Variants in SDCCAG8 observed in about 807,000 individuals in gnomAD.
SDCCAG8 encodes SHH signaling and ciliogenesis regulator SDCCAG8.
A neutral mutation model predicts 101.8 loss-of-function variants in SDCCAG8; 74 were observed. That is an observed-to-expected ratio of 0.73 (90% confidence interval 0.60 to 0.88). The LOEUF (loss-of-function observed/expected upper bound fraction) is 0.88. Among genes scored for constraint, SDCCAG8 ranks in the 40% least tolerant of loss-of-function variants. The probability of loss-of-function intolerance (pLI) is 0.00; values close to 1 mark genes in which losing one functional copy is unlikely to be tolerated. For synonymous variants in SDCCAG8, 281 were observed against 292.9 expected, an observed-to-expected ratio of 0.96 and a Z score of 0.41; for missense variants, 787 against 822.6, an observed-to-expected ratio of 0.96 and a Z score of 0.53.
chr1:243,326,320 G>C (rs1023610368), intron 9 of SDCCAG8, among the ~76,000 whole-genome samples: 8 of 152,240 alleles, frequency 5.3e-5, no homozygotes, highest in Admixed American at 3.3e-4. Context: ...AGCCTGGTAG[G>C]TTGAACAAAT....
At chr1:243,265,038 G>T (rs572087587) in intron 1 of SDCCAG8, among the ~76,000 whole-genome samples, 3 of 152,324 alleles carry the variant, frequency 2.0e-5, no homozygotes, top group East Asian at 1.9e-4. Context: ...TGCATCTGGG[G>T]AGTAGTGCTC....
At chr1:243,415,609 C>G in intron 13 of SDCCAG8, 93 bp from the exon 14 acceptor site, 9 of 1,551,508 alleles carry the variant, frequency 5.8e-6, no homozygotes, top group Non-Finnish European at 7.1e-6. Flanking sequence ...TAACAATTTA[C>G]TACGTATCAG....
chr1:243,467,634 G>T (rs1660404142), intron 16 of SDCCAG8, among the ~76,000 whole-genome samples: 1 of 152,200 alleles, frequency 6.6e-6, no homozygotes, highest in South Asian at 2.1e-4. Flanking sequence ...AAATAATTTT[G>T]ATTTGGAAGG....
At chr1:243,486,939 G>A (rs766468267) in intron 16 of SDCCAG8, among the ~76,000 whole-genome samples, 3 of 151,192 alleles carry the variant, frequency 2.0e-5, no homozygotes, top group Non-Finnish European at 4.4e-5. Context: ...GGCTACCTCA[G>A]TTGCTCTTAG....
chr1:243,421,706 T>G lies in SDCCAG8; in HGVS notation c.1853+3630T>G, dbSNP rs2081019474. Among the ~76,000 whole-genome samples the G allele has an allele frequency of 2.0e-5, 3 of 152,172 alleles. 1 individual carries two copies. The South Asian group carries it at 6.2e-4, about 32-fold the overall frequency. ...TTGACCATCAGGCAAGAGAATTAAT[T>G]CCATTTTGCTTTTAATTGGCACCAG... is the stretch of plus-strand genomic sequence containing the variant. On this transcript the variant is annotated intron_variant, in intron 15 of 17. Transcript: ENST00000366541.
rs772404205 is a variant in SDCCAG8, at chr1:243,415,720, T to C, written c.1635T>C (p.Ile545=). 2 of 1,613,794 alleles carry C rather than the reference T, an allele frequency of 1.2e-6. No individual in the cohort carries two copies. Among genetic ancestry groups the C allele is most frequent in the Non-Finnish European group, 1.7e-6 (2 of 1,179,772 alleles). ...LHLTRQEKDS[I]QQSFSKEAKA... ...TTTGCAGACAGGAAAAAGATAGCAT[T>C]CAGCAGAGCTTTAGCAAGGAAGCAA... Residue 545 remains isoleucine (I), a synonymous_variant, in exon 14 of 18, where the codon ATT becomes ATC. Transcript: ENST00000366541.
intron 13 of SDCCAG8, among the ~76,000 whole-genome samples, chr1:243,410,813 T>C (rs1177101011): frequency 2.0e-5 from 3 of 152,218 alleles, no homozygotes; most frequent in Non-Finnish European, 2.9e-5. Context: ...AAATATAAGC[T>C]TAATGCTTCA....
chr1:243,442,246 C>T (rs989077301), intron 16 of SDCCAG8, among the ~76,000 whole-genome samples: 7 of 152,080 alleles, frequency 4.6e-5, no homozygotes, highest in African/African-American at 1.7e-4. Flanking sequence ...CAATTTGCAG[C>T]AGATGTGTAT....
intron 16 of SDCCAG8, among the ~76,000 whole-genome samples, chr1:243,449,011 T>TACTC (rs1680591205): frequency 6.6e-6 from 1 of 152,234 alleles, no homozygotes; most frequent in African/African-American, 2.4e-5. Flanking sequence ...TTGGAAAACC[T>TACTC]ACTCACTATA....
intron 12 of SDCCAG8, among the ~76,000 whole-genome samples, chr1:243,350,364 A>C (rs2076013946): frequency 6.6e-6 from 1 of 151,402 alleles, no homozygotes; most frequent in Non-Finnish European, 1.5e-5. Flanking sequence ...GCACGCCACC[A>C]CCCCCAGCTA....
chr1:243,297,063 C>A (rs1309976427), intron 6 of SDCCAG8, among the ~76,000 whole-genome samples: 1 of 152,200 alleles, frequency 6.6e-6, no homozygotes, highest in Non-Finnish European at 1.5e-5. Context: ...TTTATGCTTC[C>A]TCCTAGTTAC....
chr1:243,336,961 G>T (rs1306392049), intron 10 of SDCCAG8, among the ~76,000 whole-genome samples: 1 of 152,052 alleles, frequency 6.6e-6, no homozygotes, highest in Non-Finnish European at 1.5e-5. Flanking sequence ...TGTTTACTCT[G>T]TTGATAGTTT....
intron 13 of SDCCAG8, among the ~76,000 whole-genome samples, chr1:243,403,231 A>G (rs571315685): frequency 1.3e-5 from 2 of 152,292 alleles, no homozygotes; most frequent in South Asian, 2.1e-4. Context: ...CACAGCTAGC[A>G]CATGGTGGAG....
chr1:243,485,027 G>C lies in SDCCAG8; in HGVS notation c.1986-3987G>C, dbSNP rs1347516033. Among the ~76,000 whole-genome samples, 8 of 148,096 alleles carry C rather than the reference G, an allele frequency of 5.4e-5. No individual in the cohort carries two copies. In the East Asian group the frequency reaches 1.4e-3, roughly 26 times the overall value. ...CCACTGCACTCCAGCCTGGGCAACA[G>C]AGCAAGACTCCATCTCAAAAAAAAA... On this transcript the variant is annotated intron_variant, in intron 16 of 17. Coordinates refer to ENST00000366541, the MANE Select transcript of SDCCAG8 (RefSeq NM_006642.5).
At chr1:243,372,956 A>ATATCTATCTATC (rs2077388623) in intron 12 of SDCCAG8, among the ~76,000 whole-genome samples, 2 of 141,304 alleles carry the variant, frequency 1.4e-5, no homozygotes, top group African/African-American at 5.1e-5. Context: ...ATATCTATCT[A>ATATCTATCTATC]TATATATATC....
chr1:243,487,933 C>G (rs1273974526), intron 16 of SDCCAG8: 1 of 152,550 alleles, frequency 6.6e-6, no homozygotes, highest in Non-Finnish European at 1.5e-5. Flanking sequence ...ACCAAAGACT[C>G]TAGCCAAATC....
At chr1:243,452,409 C>CTTTTTTTTTTTTTTTTTTT (rs1558489172) in intron 16 of SDCCAG8, among the ~76,000 whole-genome samples, 1 of 121,034 alleles carries the variant, frequency 8.3e-6, no homozygotes, top group African/African-American at 3.4e-5. Flanking sequence ...GAGATGATCT[C>CTTTTTTTTTTTTTTTTTTT]ATCTCTTTTT....
chr1:243,494,490 A>G (rs1173864002), intron 17 of SDCCAG8, among the ~76,000 whole-genome samples: 1 of 152,236 alleles, frequency 6.6e-6, no homozygotes, highest in Non-Finnish European at 1.5e-5. Flanking sequence ...CATGTCTAAC[A>G]TAAGCATCTC....
Position 243,285,158 on chromosome 1 carries a change from C to T in SDCCAG8, c.421-1114C>T, listed in dbSNP as rs539964583. On this transcript the variant is annotated intron_variant, in intron 4 of 17. Transcript: ENST00000366541. ...AGCCTCAAAATGCTGGGATTACAGG[C>T]GTGAGCCACCGCGCCCGGTCTGGAA... is the stretch of plus-strand genomic sequence containing the variant. 1.7e-4 allele frequency among the ~76,000 whole-genome samples: 26 copies of T among 152,292 alleles called. No homozygotes were observed. The South Asian group carries it at 5.0e-3, about 29-fold the overall frequency.
Sources: gnomAD v4.1 joint callset for allele counts (sites outside exome capture counted in the v4.1 genomes callset) on GRCh38, gnomAD v4.1.1 for gene constraint, MANE v1.5 for transcripts, NCBI Gene and HGNC (gene_info 2026-07-23, HGNC 2026-07-21) for gene names.